Variants in KLRG1 observed in about 807,000 individuals in gnomAD.
The protein encoded by KLRG1 is killer cell lectin like receptor G1, also known as killer cell lectin-like receptor subfamily G member 1.
Under a neutral mutation model 21.8 loss-of-function variants are expected in KLRG1, and 16 were observed. That is an observed-to-expected ratio of 0.73 (90% CI 0.50 to 1.11). The LOEUF (loss-of-function observed/expected upper bound fraction) is 1.11. KLRG1 is among the 50% of genes most tolerant of loss of function. KLRG1 has a pLI of 0.00. For synonymous variants in KLRG1, 69 were observed against 75.9 expected, an observed-to-expected ratio of 0.91 and a Z score of 0.47; for missense variants, 173 against 218.3, an observed-to-expected ratio of 0.79 and a Z score of 1.31.
chr12:9,109,390 T>C, the KLRG1 span: 3 of 1,612,902 alleles, frequency 1.9e-6, no homozygotes, highest in Admixed American at 3.3e-5. Flanking sequence ...TACTTGTACT[T>C]CAAACTTGGG....
chr12:9,133,201 AG>A, the KLRG1 span, among the ~76,000 whole-genome samples: 1 of 152,222 alleles, frequency 6.6e-6, no homozygotes, highest in Non-Finnish European at 1.5e-5. Flanking sequence ...CTATTCAAGT[AG>A]GGAGCTGGGC....
At chr12:9,027,403 A>C in the KLRG1 span, 1 of 540,790 alleles carries the variant, frequency 1.8e-6, no homozygotes, top group Admixed American at 2.3e-5. Flanking sequence ...TTTGCGTAAA[A>C]CATGTCTTCT....
chr12:9,072,490 T>C, the KLRG1 span: 2 of 1,608,926 alleles, frequency 1.2e-6, no homozygotes, highest in Non-Finnish European at 1.7e-6. Context: ...AGGATGTCTA[T>C]AGAACATCAA....
At chr12:9,138,577 A>G in the KLRG1 span, among the ~76,000 whole-genome samples, 1 of 151,888 alleles carries the variant, frequency 6.6e-6, no homozygotes, top group Admixed American at 6.6e-5. Context: ...ACTGATTGGC[A>G]CTTTTTTAAA....
chr12:8,998,666 G>A (rs1455069659), intron 3 of KLRG1, among the ~76,000 whole-genome samples: 3 of 145,778 alleles, frequency 2.1e-5, no homozygotes, highest in African/African-American at 7.7e-5. Context: ...TCCAGCCTGG[G>A]CAACAGAGCG....
At chr12:9,035,262 C>G in the KLRG1 span, among the ~76,000 whole-genome samples, 1 of 152,050 alleles carries the variant, frequency 6.6e-6, no homozygotes, top group Non-Finnish European at 1.5e-5. Context: ...GAATACTATA[C>G]AGCCATAAAA....
the KLRG1 span, chr12:9,106,461 T>C: frequency 6.7e-7 from 1 of 1,486,914 alleles, no homozygotes; most frequent in Non-Finnish European, 9.3e-7. Flanking sequence ...GCCTGTTGTG[T>C]TTTCTCTTAT....
chr12:9,106,256 C>G, the KLRG1 span: 1 of 1,611,392 alleles, frequency 6.2e-7, no homozygotes, highest in South Asian at 1.1e-5. Context: ...AAGGGAATTC[C>G]CTGTCGAAAG....
chr12:9,193,977 C>T, the KLRG1 span: 2 of 1,161,172 alleles, frequency 1.7e-6, no homozygotes, highest in Non-Finnish European at 2.4e-6. Flanking sequence ...TAGATATCTT[C>T]TTATTTCTTA....
chr12:9,202,456 A>G, the KLRG1 span: 2 of 1,612,212 alleles, frequency 1.2e-6, no homozygotes, highest in Non-Finnish European at 1.7e-6. Flanking sequence ...GGGCTAGGAT[A>G]ATGGAGACTT....
the KLRG1 span, chr12:9,066,603 C>T: frequency 0.05 from 7,593 of 152,348 alleles, 233 homozygotes; most frequent in Non-Finnish European, 0.072. Context: ...CCAGTGGGCC[C>T]AGAGCAAAAC....
the KLRG1 span, chr12:9,112,626 C>G: frequency 7.0e-7 from 1 of 1,433,494 alleles, no homozygotes; most frequent in Non-Finnish European, 9.6e-7. Context: ...GAGATCTTGC[C>G]CTTCTTACTT....
At chr12:9,085,715 G>A in the KLRG1 span, among the ~76,000 whole-genome samples, 56,981 of 151,400 alleles carry the variant, frequency 0.38, 11,372 homozygotes, top group African/African-American at 0.49. Flanking sequence ...CAATGAAACT[G>A]AATTGTTTTT....
chr12:9,155,943 C>A, the KLRG1 span: 3 of 162,626 alleles, frequency 1.8e-5, no homozygotes, highest in South Asian at 5.3e-4. Context: ...TCATGGTAGT[C>A]CAGCAGAGGC....
the KLRG1 span, among the ~76,000 whole-genome samples, chr12:9,164,876 T>A: frequency 3.3e-5 from 5 of 152,328 alleles, no homozygotes; most frequent in South Asian, 1.0e-3. Flanking sequence ...GCATATAACC[T>A]AACTTGCAGC....
the KLRG1 span, chr12:9,157,882 T>C: frequency 1.3e-6 from 2 of 1,498,700 alleles, no homozygotes; most frequent in Non-Finnish European, 1.9e-6. Context: ...CAGTGCCAAG[T>C]GTTAGTATAT....
chr12:9,107,563 A>T, the KLRG1 span: 1 of 1,613,910 alleles, frequency 6.2e-7, no homozygotes. Flanking sequence ...GTGAATCTTC[A>T]CCGTGGCAGT....
the KLRG1 span, among the ~76,000 whole-genome samples, chr12:9,131,173 T>G: frequency 3.9e-5 from 6 of 152,302 alleles, no homozygotes; most frequent in South Asian, 1.2e-3. Context: ...CCACACTGCT[T>G]TGATCATTGT....
chr12:9,196,202 C>T, the KLRG1 span: 3 of 563,202 alleles, frequency 5.3e-6, no homozygotes, highest in African/African-American at 1.9e-5. Context: ...AGTATTTCTC[C>T]TTGGTTTCAT....
Sources: gnomAD v4.1 joint callset for allele counts (sites outside exome capture counted in the v4.1 genomes callset) on GRCh38, gnomAD v4.1.1 for gene constraint, MANE v1.5 for transcripts, NCBI Gene and HGNC (gene_info 2026-07-23, HGNC 2026-07-21) for gene names.